TTLL11: variants seen among roughly 807,000 people sequenced by gnomAD.
TTLL11 encodes the protein tubulin tyrosine ligase like 11.
TTLL11 carries 42 observed loss-of-function variants against 51.7 expected under a neutral mutation model. The observed-to-expected ratio is 0.81, with a 90% CI of 0.64 to 1.05. The LOEUF is 1.05. Ranked by LOEUF, TTLL11 falls within the 50% of genes least tolerant of loss-of-function variation. The pLI is 0.00. For missense variants in TTLL11, 799 were observed against 940.4 expected (o/e 0.85, Z 1.97); for synonymous variants, 381 against 383.5 (o/e 0.99, Z 0.08).
chr9:121,892,864 G>C (rs981738373), intron 6 of TTLL11, among the ~76,000 whole-genome samples: 2 of 152,192 alleles, frequency 1.3e-5, no homozygotes, highest in Non-Finnish European at 1.5e-5. Context: ...TGTGGGAGCA[G>C]TGTCAGGTCT....
chr9:121,993,483 T>C (rs1843169876), intron 3 of TTLL11, among the ~76,000 whole-genome samples: 1 of 152,196 alleles, frequency 6.6e-6, no homozygotes, highest in African/African-American at 2.4e-5. Flanking sequence ...ACCTATAAAA[T>C]AAAGGGGTCA....
chr9:121,854,658 T>G (rs1316324190), intron 8 of TTLL11, among the ~76,000 whole-genome samples: 4 of 152,216 alleles, frequency 2.6e-5, no homozygotes, highest in African/African-American at 9.6e-5. Flanking sequence ...AATTGCCTAA[T>G]CTTGATGCTG....
chr9:122,019,671 G>A (rs141489653), intron 3 of TTLL11, among the ~76,000 whole-genome samples: 117 of 152,210 alleles, frequency 7.7e-4, no homozygotes, highest in Middle Eastern at 3.4e-3. Context: ...GGCTGGTCTC[G>A]AACTCCTGGA....
intron 6 of TTLL11, among the ~76,000 whole-genome samples, chr9:121,898,256 C>A (rs12335622): frequency 0.016 from 2,396 of 152,306 alleles, 66 homozygotes; most frequent in African/African-American, 0.055. Flanking sequence ...ACCCCCACCC[C>A]CACAGAGAGA....
At chr9:121,960,200 G>T (rs1386227955) in intron 6 of TTLL11, among the ~76,000 whole-genome samples, 1 of 151,978 alleles carries the variant, frequency 6.6e-6, no homozygotes. Flanking sequence ...ATTTTATTTC[G>T]TTGAACTGTA....
At chr9:121,919,741 G>A (rs1035238437) in intron 6 of TTLL11, among the ~76,000 whole-genome samples, 1 of 151,162 alleles carries the variant, frequency 6.6e-6, no homozygotes, top group Non-Finnish European at 1.5e-5. Flanking sequence ...GCCAGGTACA[G>A]CAGCTCATGC....
At chr9:121,882,138 T>G (rs1351008869) in intron 6 of TTLL11, among the ~76,000 whole-genome samples, 1 of 152,132 alleles carries the variant, frequency 6.6e-6, no homozygotes, top group Non-Finnish European at 1.5e-5. Context: ...AAAGCTAAGC[T>G]CAGGTTAAAC....
At chr9:121,938,243 T>C (rs1015080468) in intron 6 of TTLL11, among the ~76,000 whole-genome samples, 23 of 144,648 alleles carry the variant, frequency 1.6e-4, no homozygotes, top group African/African-American at 5.8e-4. Context: ...GAGCCAAGAT[T>C]GCACCACCAC....
chr9:122,004,965 C>A (rs117629720), intron 3 of TTLL11, among the ~76,000 whole-genome samples: 5 of 152,190 alleles, frequency 3.3e-5, no homozygotes, highest in African/African-American at 1.2e-4. Context: ...GACATGGATA[C>A]AATTTTGGCA....
At chr9:121,994,921 A>G (rs992719496) in intron 3 of TTLL11, among the ~76,000 whole-genome samples, 2 of 152,224 alleles carry the variant, frequency 1.3e-5, no homozygotes, top group Admixed American at 1.3e-4. Context: ...GCTAAAATCA[A>G]CAAAACTGGA....
chr9:121,952,787 GT>G (rs1841892618), intron 6 of TTLL11, among the ~76,000 whole-genome samples: 1 of 152,128 alleles, frequency 6.6e-6, no homozygotes, highest in African/African-American at 2.4e-5. Context: ...CCTGCCTGGG[GT>G]TGCAGGGGGA....
chr9:121,828,608 C>T (rs575346686), intron 8 of TTLL11, among the ~76,000 whole-genome samples: 52 of 152,266 alleles, frequency 3.4e-4, no homozygotes, highest in Non-Finnish European at 6.3e-4. Context: ...TTCACCACCC[C>T]GTCCCTGTTG....
intron 6 of TTLL11, among the ~76,000 whole-genome samples, chr9:121,881,648 C>G (rs79423330): frequency 6.6e-6 from 1 of 152,194 alleles, no homozygotes; most frequent in South Asian, 2.1e-4. Context: ...CATTTGTATC[C>G]CACTTTCCAA....
intron 8 of TTLL11, among the ~76,000 whole-genome samples, chr9:121,827,921 C>T (rs1046325534): frequency 2.0e-5 from 3 of 152,192 alleles, no homozygotes; most frequent in Non-Finnish European, 4.4e-5. Context: ...GGACTGTCCC[C>T]TCTGGCTGCA....
At chr9:121,852,191 T>C (rs1837682011) in intron 8 of TTLL11, among the ~76,000 whole-genome samples, 1 of 152,168 alleles carries the variant, frequency 6.6e-6, no homozygotes, top group African/African-American at 2.4e-5. Context: ...TGGAAATGGT[T>C]TGTAATCTGT....
chr9:121,973,342 G>A (rs902328980), intron 6 of TTLL11, among the ~76,000 whole-genome samples: 1 of 152,158 alleles, frequency 6.6e-6, no homozygotes, highest in South Asian at 2.1e-4. Flanking sequence ...AAAATAAAAA[G>A]GAAGCAACTC....
chr9:121,932,679 T>C (rs550896547), intron 6 of TTLL11, among the ~76,000 whole-genome samples: 1 of 150,562 alleles, frequency 6.6e-6, no homozygotes, highest in South Asian at 2.1e-4. Context: ...GGCTGATAGA[T>C]CTAGATAACC....
intron 6 of TTLL11, among the ~76,000 whole-genome samples, chr9:121,923,069 C>A (rs1367681807): frequency 6.6e-6 from 1 of 152,174 alleles, no homozygotes; most frequent in Non-Finnish European, 1.5e-5. Context: ...TTATAACTCA[C>A]CCTTTGGGTT....
chr9:121,935,331 T>A (rs545388170), intron 6 of TTLL11, among the ~76,000 whole-genome samples: 2 of 152,266 alleles, frequency 1.3e-5, no homozygotes, highest in South Asian at 4.1e-4. Context: ...CAAAAGTCAA[T>A]ACAAGAACAA....
Sources: allele counts gnomAD v4.1 joint callset (sites outside exome capture counted in the v4.1 genomes callset), GRCh38; gene constraint gnomAD v4.1.1; transcripts MANE v1.5; gene names NCBI Gene and HGNC (gene_info 2026-07-23, HGNC 2026-07-21).